Variants in NECAB1 observed in about 807,000 individuals in gnomAD.
NECAB1 encodes the protein N-terminal EF-hand calcium-binding protein 1.
In NECAB1, 29 loss-of-function variants were observed where a neutral mutation model predicts 57.5. The observed-to-expected ratio is 0.50, with a 90% confidence interval of 0.38 to 0.69. The LOEUF is 0.69. NECAB1 is among the 30% of genes least tolerant of loss of function. NECAB1 has a pLI of 0.00. For missense variants in NECAB1, 372 were observed against 413.8 expected (o/e 0.90, Z 0.88); for synonymous variants, 142 against 147.7 (o/e 0.96, Z 0.28).
chr8:90,893,887 A>G (rs61593121), intron 5 of NECAB1, among the ~76,000 whole-genome samples: 1,518 of 151,630 alleles, frequency 0.01, 22 homozygotes, highest in African/African-American at 0.034. Flanking sequence ...AACTATTCTC[A>G]TGGTTGGATT....
chr8:90,872,583 A>G (rs1412939369), intron 4 of NECAB1: 1 of 152,990 alleles, frequency 6.5e-6, no homozygotes, highest in Non-Finnish European at 1.5e-5. Context: ...GGAGTTGTAA[A>G]TGTCACTTGC....
Position 90,791,955 on chromosome 8 carries a change from C to T in NECAB1, c.69C>T (p.His23=). The change falls in exon 1 of 13, where the codon CAC becomes CAT. Residue 23 remains histidine (H), a synonymous_variant. Coordinates refer to ENST00000417640, the MANE Select transcript of NECAB1 (RefSeq NM_022351.5). ...NSSEELSSAL[H]LSKGMSIFLD... ...CGGAGGAGCTCAGCTCTGCTCTGCA[C>T]CTGTCCAAGGGCATGTCGATCTTCC... The T allele has an allele frequency of 1.0e-5, 16 of 1,552,774 alleles. No homozygotes were observed. Among genetic ancestry groups the T allele is most frequent in the Non-Finnish European group, 1.2e-5 (14 of 1,147,586 alleles).
intron 2 of NECAB1, among the ~76,000 whole-genome samples, chr8:90,808,901 T>A (rs1811905535): frequency 6.6e-6 from 1 of 152,092 alleles, no homozygotes; most frequent in African/African-American, 2.4e-5. Flanking sequence ...CACCTCAGCC[T>A]CCCAAAGTGC....
Position 90,829,339 on chromosome 8 carries a change from T to C in NECAB1, c.233+4514T>C, listed in dbSNP as rs148339694. ...AAAGTGTTCTTATTCATCAGAAAGT[T>C]AGTCTGTCTACATTTTGCAGTTAGC... On this transcript the variant is annotated intron_variant, in intron 3 of 12. Coordinates refer to ENST00000417640, the MANE Select transcript of NECAB1 (RefSeq NM_022351.5). Among the ~76,000 whole-genome samples, 196 of 152,208 alleles carry C rather than the reference T, an allele frequency of 1.3e-3. 3 individuals are homozygous for C. The highest frequency in any genetic ancestry group is 4.2e-3 in the African/African-American group (176 of 41,554).
intron 10 of NECAB1, among the ~76,000 whole-genome samples, chr8:90,948,614 T>C (rs1268235250): frequency 6.6e-6 from 1 of 152,234 alleles, no homozygotes; most frequent in Admixed American, 6.5e-5. Flanking sequence ...TGCTTTCTAA[T>C]ATGAATATAT....
At chr8:90,920,956 A>C (rs1256936648) in intron 6 of NECAB1, among the ~76,000 whole-genome samples, 4 of 152,232 alleles carry the variant, frequency 2.6e-5, no homozygotes. Context: ...TCTAACAGTC[A>C]TCTGGGGTTC....
chr8:90,811,267 C>A (rs565972510), intron 2 of NECAB1, among the ~76,000 whole-genome samples: 4 of 152,224 alleles, frequency 2.6e-5, no homozygotes, highest in African/African-American at 9.6e-5. Flanking sequence ...GATTAATTTT[C>A]AACATCAACG....
At chr8:90,919,008 G>A (rs1265596514) in intron 6 of NECAB1, among the ~76,000 whole-genome samples, 1 of 151,624 alleles carries the variant, frequency 6.6e-6, no homozygotes, top group Non-Finnish European at 1.5e-5. Context: ...TCAGGAAATG[G>A]AGAAAAGTGA....
At chr8:90,916,896 G>A (rs532657644) in intron 5 of NECAB1, among the ~76,000 whole-genome samples, 1 of 152,228 alleles carries the variant, frequency 6.6e-6, no homozygotes, top group East Asian at 1.9e-4. Flanking sequence ...ATGAGCCTCA[G>A]GTAAAGTTAC....
intron 10 of NECAB1, among the ~76,000 whole-genome samples, chr8:90,948,703 A>C (rs903363104): frequency 1.3e-5 from 2 of 152,086 alleles, no homozygotes; most frequent in African/African-American, 4.8e-5. Flanking sequence ...TCCCACTCTT[A>C]AGTTTATGAA....
chr8:90,812,310 T>G (rs1370696696), intron 2 of NECAB1, among the ~76,000 whole-genome samples: 1 of 152,260 alleles, frequency 6.6e-6, no homozygotes, highest in Non-Finnish European at 1.5e-5. Context: ...AAACTAAATA[T>G]TCCTCCGACA....
rs1554575432 is a variant in NECAB1 at position 90,917,870 on chromosome 8, A to ATCTGTG, written c.494+243_494+244insCTGTGT. Among the ~76,000 whole-genome samples the ATCTGTG allele has an allele frequency of 7.1e-4, 46 of 64,344 alleles. 3 individuals are homozygous for ATCTGTG. The highest frequency in any genetic ancestry group is 4.7e-3 in the African/African-American group (45 of 9,588). 42.2% of individuals were successfully genotyped at this position (64,344 alleles called of 152,430 possible). The stretch of plus-strand genomic sequence containing the variant: ...TATATATATATATATATATATATAT[A>ATCTGTG]TGTGTGTGTGTGCGTGTATATATAT... On this transcript the variant is annotated intron_variant, in intron 6 of 12. Transcript: ENST00000417640.
chr8:90,831,420 C>A (rs1265750691), intron 3 of NECAB1, among the ~76,000 whole-genome samples: 4 of 152,096 alleles, frequency 2.6e-5, no homozygotes, highest in African/African-American at 9.7e-5. Flanking sequence ...CTTCTCTTTA[C>A]CCTCTCATAT....
intron 9 of NECAB1, among the ~76,000 whole-genome samples, chr8:90,937,431 CATA>C (rs1300278900): frequency 6.6e-6 from 1 of 152,018 alleles, no homozygotes; most frequent in African/African-American, 2.4e-5. Context: ...TCCAAAATGA[CATA>C]ATACTTAAGA....
chr8:90,855,202 C>T (rs1812772026), intron 3 of NECAB1, among the ~76,000 whole-genome samples: 1 of 152,198 alleles, frequency 6.6e-6, no homozygotes, highest in Non-Finnish European at 1.5e-5. Flanking sequence ...GCTCAAAAGT[C>T]TTCCTGATTC....
chr8:90,809,422 C>G (rs538497358), intron 2 of NECAB1, among the ~76,000 whole-genome samples: 1 of 152,310 alleles, frequency 6.6e-6, no homozygotes, highest in East Asian at 1.9e-4. Context: ...ACTTAGCATA[C>G]AGCAAAAATT....
intron 5 of NECAB1, among the ~76,000 whole-genome samples, chr8:90,885,945 G>A (rs1173393098): frequency 6.6e-6 from 1 of 152,102 alleles, no homozygotes; most frequent in East Asian, 1.9e-4. Flanking sequence ...AATATGTGAA[G>A]AAAATATGAA....
At chr8:90,851,743 T>C (rs190202713) in intron 3 of NECAB1, among the ~76,000 whole-genome samples, 1 of 152,284 alleles carries the variant, frequency 6.6e-6, no homozygotes, top group East Asian at 1.9e-4. Context: ...CAGAGAGTAC[T>C]TTTGTCACAA....
At chr8:90,930,251 T>C (rs182845939) in intron 8 of NECAB1, among the ~76,000 whole-genome samples, 5 of 152,190 alleles carry the variant, frequency 3.3e-5, no homozygotes, top group Non-Finnish European at 7.3e-5. Context: ...AATGGCAGAT[T>C]TGAAACACTT....
Sources: allele counts gnomAD v4.1 joint callset (sites outside exome capture counted in the v4.1 genomes callset), GRCh38; gene constraint gnomAD v4.1.1; transcripts MANE v1.5; gene names NCBI Gene and HGNC (gene_info 2026-07-23, HGNC 2026-07-21).